Variants in CCNY observed in about 807,000 individuals in gnomAD.
CCNY encodes cyclin-Y.
A neutral mutation model predicts 42.8 loss-of-function variants in CCNY; 19 were observed. The observed-to-expected ratio is 0.44, with a 90% CI of 0.31 to 0.65. CCNY has a LOEUF of 0.65. CCNY is among the 30% of genes least tolerant of loss of function. CCNY has a pLI of 0.07. For synonymous variants in CCNY, 165 were observed against 162.7 expected, an observed-to-expected ratio of 1.01 and a Z score of -0.11; for missense variants, 370 against 437.3, an observed-to-expected ratio of 0.85 and a Z score of 1.37.
intron 1 of CCNY, among the ~76,000 whole-genome samples, chr10:35,342,250 A>G (rs1836197949): frequency 6.6e-6 from 1 of 152,180 alleles, no homozygotes; most frequent in South Asian, 2.1e-4. Context: ...TCTACAATCT[A>G]TTTAACATCA....
intron 1 of CCNY, among the ~76,000 whole-genome samples, chr10:35,456,536 T>C (rs781528180): frequency 1.3e-4 from 20 of 152,218 alleles, no homozygotes; most frequent in Non-Finnish European, 2.6e-4. Context: ...ATCTTGTCCA[T>C]CTGGTTGCCT....
intron 1 of CCNY, among the ~76,000 whole-genome samples, chr10:35,341,248 C>T (rs1836174612): frequency 6.6e-6 from 1 of 152,128 alleles, no homozygotes; most frequent in African/African-American, 2.4e-5. Flanking sequence ...AAACTTCCAC[C>T]CCGTTCTCTC....
chr10:35,565,884 TA>T, intron 8 of CCNY, 138 bp from the exon 9 acceptor site: 1 of 837,924 alleles, frequency 1.2e-6, no homozygotes, highest in Non-Finnish European at 1.9e-6. Flanking sequence ...TATGGTGGTC[TA>T]ACCAGACATT....
Position 35,518,800 on chromosome 10 carries a change from G to A in CCNY, c.365+2177G>A, listed in dbSNP as rs1840482738. On this transcript the variant is annotated intron_variant, in intron 4 of 9. Coordinates refer to ENST00000374704, the MANE Select transcript of CCNY (RefSeq NM_145012.6). The stretch of plus-strand genomic sequence containing the variant: ...TGAATCTGGCTGAGGTAAATTGTGA[G>A]TATCTGGATTTTTAACAGATCTTGA... Among the ~76,000 whole-genome samples, 3 of 138,802 alleles carry A rather than the reference G, an allele frequency of 2.2e-5. 1 individual carries two copies. The highest frequency in any genetic ancestry group is 3.0e-5 in the Non-Finnish European group (2 of 65,648). 91.1% of individuals were successfully genotyped at this position (138,802 alleles called of 152,430 possible).
At chr10:35,491,570 AG>A (rs1416012350) in intron 2 of CCNY, among the ~76,000 whole-genome samples, 1 of 152,188 alleles carries the variant, frequency 6.6e-6, no homozygotes, top group African/African-American at 2.4e-5. Context: ...ATCAGAAGTC[AG>A]CGTCTTTCCT....
intron 3 of CCNY, among the ~76,000 whole-genome samples, chr10:35,503,724 C>T (rs1840158458): frequency 6.6e-6 from 1 of 152,126 alleles, no homozygotes; most frequent in Admixed American, 6.5e-5. Flanking sequence ...AGGCACAATT[C>T]AGTATTACTG....
chr10:35,328,856 G>A (rs1273197558), intron 3 of CCNY, among the ~76,000 whole-genome samples: 1 of 152,198 alleles, frequency 6.6e-6, no homozygotes, highest in Non-Finnish European at 1.5e-5. Flanking sequence ...TACCTAGAAA[G>A]GGCCTGTTAG....
At chr10:35,413,808 C>G (rs986182001) in intron 1 of CCNY, among the ~76,000 whole-genome samples, 3 of 152,150 alleles carry the variant, frequency 2.0e-5, no homozygotes, top group Non-Finnish European at 4.4e-5. Context: ...TCCAGTGGCA[C>G]TGAAGCGGGA....
chr10:35,442,168 C>T (rs905670431), intron 1 of CCNY, among the ~76,000 whole-genome samples: 2 of 152,150 alleles, frequency 1.3e-5, no homozygotes, highest in Admixed American at 6.6e-5. Context: ...TGCCATAACT[C>T]CTGATGTGTA....
At chr10:35,568,971 C>G (rs1334522348) in intron 9 of CCNY, 83 bp from the exon 10 acceptor site, 2 of 872,454 alleles carry the variant, frequency 2.3e-6, no homozygotes, top group African/African-American at 3.3e-5. Context: ...GTCCCTCATG[C>G]AGCGCCCTCG....
chr10:35,278,672 G>C (rs1268722843), intron 3 of CCNY, among the ~76,000 whole-genome samples: 1 of 152,178 alleles, frequency 6.6e-6, no homozygotes, highest in East Asian at 1.9e-4. Flanking sequence ...GGGTGCTCTG[G>C]AGCTGGGCTG....
At position 35,253,428 on chromosome 10, in the gene CCNY, T is replaced by A. The variant is rs1054589982; in HGVS notation, c.-9+2802T>A. Among the ~76,000 whole-genome samples the A allele has an allele frequency of 3.1e-3, 449 of 144,406 alleles. 5 individuals carry two copies. The highest frequency in any genetic ancestry group is 0.011 in the African/African-American group (437 of 38,794). 94.7% of individuals were successfully genotyped at this position (144,406 alleles called of 152,430 possible). A position where few individuals can be genotyped will look rare whatever the true frequency, so the allele number is the denominator to read the frequency against. Reference sequence around the variant, plus strand: ...GCATGCTCACTATTTTTTTTTTTTTTTTTTTTTTTTTTTTTGTAGAGATGG... The same window carrying A: ...GCATGCTCACTATTTTTTTTTTTTTATTTTTTTTTTTTTTTGTAGAGATGG... On this transcript the variant is annotated intron_variant, in intron 3 of 11. Coordinates refer to the CCNY transcript ENST00000374706.
intron 8 of CCNY, among the ~76,000 whole-genome samples, chr10:35,563,703 ATTAT>A (rs1169927406): frequency 6.6e-6 from 1 of 152,020 alleles, no homozygotes; most frequent in African/African-American, 2.4e-5. Flanking sequence ...AAAGTAAATT[ATTAT>A]TTATTTATTT....
At chr10:35,533,068 T>C (rs1231245299) in intron 7 of CCNY, among the ~76,000 whole-genome samples, 1 of 152,184 alleles carries the variant, frequency 6.6e-6, no homozygotes, top group Non-Finnish European at 1.5e-5. Context: ...TCTGGGGCCT[T>C]AATGTGCAGG....
intron 7 of CCNY, among the ~76,000 whole-genome samples, chr10:35,532,302 A>G (rs1304874449): frequency 2.0e-5 from 3 of 152,180 alleles, no homozygotes; most frequent in Admixed American, 2.0e-4. Context: ...GTTGACAGAG[A>G]TGCATTCATT....
At chr10:35,311,130 T>C (rs937165608) in intron 3 of CCNY, among the ~76,000 whole-genome samples, 1 of 151,866 alleles carries the variant, frequency 6.6e-6, no homozygotes, top group Non-Finnish European at 1.5e-5. Flanking sequence ...CTGGTCAACA[T>C]AGCCAGATCC....
At chr10:35,472,830 A>G (rs184946519) in intron 1 of CCNY, among the ~76,000 whole-genome samples, 33 of 152,328 alleles carry the variant, frequency 2.2e-4, no homozygotes, top group Admixed American at 3.3e-4. Context: ...ATGCTTTCTT[A>G]TGACCATGAA....
At chr10:35,430,743 A>G (rs1484657817) in intron 1 of CCNY, among the ~76,000 whole-genome samples, 5 of 152,236 alleles carry the variant, frequency 3.3e-5, no homozygotes, top group Non-Finnish European at 4.4e-5. Flanking sequence ...TATCACTAGC[A>G]TAACTATGTA....
chr10:35,564,586 C>T (rs117835856), intron 8 of CCNY, among the ~76,000 whole-genome samples: 4 of 152,298 alleles, frequency 2.6e-5, no homozygotes, highest in East Asian at 1.9e-4. Flanking sequence ...AGACCCTCAG[C>T]GTTCAGCAGA....
Sources: allele counts gnomAD v4.1 joint callset (sites outside exome capture counted in the v4.1 genomes callset), GRCh38; gene constraint gnomAD v4.1.1; transcripts MANE v1.5; gene names NCBI Gene and HGNC (gene_info 2026-07-23, HGNC 2026-07-21).